The following PLEKHA5 variants were observed in gnomAD, a reference collection of about 807,000 sequenced individuals.
PLEKHA5 encodes the protein pleckstrin homology domain-containing family A member 5.
Under a neutral mutation model 181.9 loss-of-function variants are expected in PLEKHA5, and 55 were observed. That is an observed-to-expected ratio of 0.30 (90% CI 0.24 to 0.38). The LOEUF (loss-of-function observed/expected upper bound fraction) is 0.38, where lower values mean the gene tolerates loss of function less well. PLEKHA5 is among the 10% of genes least tolerant of loss of function. The pLI is 1.00. For missense variants in PLEKHA5, 1,432 were observed against 1,549.5 expected, an observed-to-expected ratio of 0.92 and a Z score of 1.27; for synonymous variants, 535 against 529.4, an observed-to-expected ratio of 1.01 and a Z score of -0.15.
intron 26 of PLEKHA5, among the ~76,000 whole-genome samples, chr12:19,354,296 C>T (rs11044511): frequency 6.8e-6 from 1 of 147,832 alleles, no homozygotes; most frequent in African/African-American, 2.5e-5. Context: ...GGACTACAGG[C>T]GCCCGCCACC....
chr12:19,169,318 G>T (rs1469547237), intron 3 of PLEKHA5, among the ~76,000 whole-genome samples: 1 of 151,796 alleles, frequency 6.6e-6, no homozygotes, highest in Admixed American at 6.6e-5. Context: ...AATTAAGTTA[G>T]TGTTGCTTGC....
chr12:19,293,432 T>C (rs1317035761), intron 15 of PLEKHA5, among the ~76,000 whole-genome samples: 4 of 152,306 alleles, frequency 2.6e-5, no homozygotes, highest in Non-Finnish European at 4.4e-5. Flanking sequence ...AATCCAGAGA[T>C]TGAGGCTATT....
At chr12:19,184,532 C>T (rs1320036398) in intron 3 of PLEKHA5, among the ~76,000 whole-genome samples, 3 of 152,040 alleles carry the variant, frequency 2.0e-5, no homozygotes, top group Non-Finnish European at 2.9e-5. Context: ...AGTACTGTGC[C>T]GGTGAGTAGG....
chr12:19,332,582 T>G (rs530428694), intron 20 of PLEKHA5, among the ~76,000 whole-genome samples: 5 of 152,296 alleles, frequency 3.3e-5, no homozygotes, highest in African/African-American at 1.2e-4. Flanking sequence ...CTCCAACTCT[T>G]AGCCTCAAGT....
intron 25 of PLEKHA5, among the ~76,000 whole-genome samples, chr12:19,350,983 G>T: frequency 7.8e-6 from 1 of 128,058 alleles, no homozygotes; most frequent in African/African-American, 3.1e-5. Context: ...TTTTGAGACA[G>T]GATCTCACCA....
chr12:19,225,964 T>C (rs1413932527), intron 3 of PLEKHA5, among the ~76,000 whole-genome samples: 1 of 152,230 alleles, frequency 6.6e-6, no homozygotes, highest in African/African-American at 2.4e-5. Flanking sequence ...CACATCTTCC[T>C]TCAGATCTTT....
intron 28 of PLEKHA5, 31 bp downstream of exon 28, chr12:19,359,577 A>G (rs775456640): frequency 6.3e-7 from 1 of 1,593,138 alleles, no homozygotes; most frequent in South Asian, 1.1e-5. Context: ...AAGGTATTCC[A>G]AAGGAATAGA....
chr12:19,209,760 A>G (rs1017941161), intron 3 of PLEKHA5, among the ~76,000 whole-genome samples: 23 of 152,226 alleles, frequency 1.5e-4, no homozygotes, highest in Non-Finnish European at 3.1e-4. Context: ...GATCACAGCA[A>G]CGATTTTGAA....
intron 30 of PLEKHA5, among the ~76,000 whole-genome samples, 185 bp downstream of exon 30, chr12:19,366,294 G>T (rs2095420077): frequency 6.6e-6 from 1 of 152,060 alleles, no homozygotes; most frequent in African/African-American, 2.4e-5. Flanking sequence ...CCTGGCAGAG[G>T]GATCAACACA....
At chr12:19,317,935 T>C (rs1312011464) in intron 16 of PLEKHA5, among the ~76,000 whole-genome samples, 3 of 150,342 alleles carry the variant, frequency 2.0e-5, no homozygotes, top group Admixed American at 6.7e-5. Flanking sequence ...TTTTTTTTTT[T>C]TTTTTTTTTT....
chr12:19,229,534 C>T (rs1040976517), intron 3 of PLEKHA5, among the ~76,000 whole-genome samples: 1 of 151,940 alleles, frequency 6.6e-6, no homozygotes, highest in Non-Finnish European at 1.5e-5. Context: ...GTTCATTCCT[C>T]CCGGTGGGTT....
chr12:19,362,565 T>C (rs2095286502), intron 29 of PLEKHA5, among the ~76,000 whole-genome samples: 1 of 151,872 alleles, frequency 6.6e-6, no homozygotes, highest in African/African-American at 2.4e-5. Context: ...AAAATACATG[T>C]ACAGCACTTT....
chr12:19,257,636 A>T (rs1017692468), intron 6 of PLEKHA5, 99 bp downstream of exon 6: 1 of 720,274 alleles, frequency 1.4e-6, no homozygotes, highest in African/African-American at 1.9e-5. Flanking sequence ...TAAAATTAAG[A>T]AGGAACTATG....
chr12:19,143,706 T>C (rs935144209), intron 3 of PLEKHA5, among the ~76,000 whole-genome samples: 1 of 152,152 alleles, frequency 6.6e-6, no homozygotes, highest in Non-Finnish European at 1.5e-5. Context: ...AATATGTATA[T>C]ATATTTTTAA....
At chr12:19,250,158 A>G (rs1342076455) in intron 3 of PLEKHA5, among the ~76,000 whole-genome samples, 1 of 152,170 alleles carries the variant, frequency 6.6e-6, no homozygotes, top group African/African-American at 2.4e-5. Flanking sequence ...CTATATATTA[A>G]AAGTCTGGAA....
At chr12:19,224,304 A>C (rs773245139) in intron 3 of PLEKHA5, among the ~76,000 whole-genome samples, 3 of 152,182 alleles carry the variant, frequency 2.0e-5, no homozygotes, top group Non-Finnish European at 4.4e-5. Context: ...TTAATAGTAC[A>C]TGTGGCACTC....
At chr12:19,164,206 T>G (rs1039279994) in intron 3 of PLEKHA5, among the ~76,000 whole-genome samples, 2 of 147,242 alleles carry the variant, frequency 1.4e-5, no homozygotes, top group African/African-American at 5.0e-5. Context: ...TGTTTTTTTT[T>G]TTTTTTTTTT....
chr12:19,136,886 A>G (rs1275751059), intron 3 of PLEKHA5, among the ~76,000 whole-genome samples: 2 of 152,146 alleles, frequency 1.3e-5, no homozygotes, highest in East Asian at 3.9e-4. Context: ...GCTAATTCCA[A>G]ACTTACCAAA....
chr12:19,173,358 A>G (rs556223863), intron 3 of PLEKHA5, among the ~76,000 whole-genome samples: 22 of 152,176 alleles, frequency 1.4e-4, no homozygotes, highest in Middle Eastern at 3.4e-3. Context: ...ACACCCATAC[A>G]CATAAAATTT....
Sources: gnomAD v4.1 joint callset for allele counts (sites outside exome capture counted in the v4.1 genomes callset) on GRCh38, gnomAD v4.1.1 for gene constraint, MANE v1.5 for transcripts, NCBI Gene and HGNC (gene_info 2026-07-23, HGNC 2026-07-21) for gene names.